Variants in UQCC1 observed in about 807,000 individuals in gnomAD.
The protein encoded by UQCC1 is bFGF-repressed Zic-binding protein.
A neutral mutation model predicts 48.0 loss-of-function variants in UQCC1; 38 were observed. That is an observed-to-expected ratio of 0.79 (90% CI 0.61 to 1.04). The LOEUF is 1.04. Among genes scored for constraint, UQCC1 ranks in the 50% least tolerant of loss-of-function variants. The pLI is 0.00. For synonymous variants in UQCC1, 111 were observed against 129.2 expected, an observed-to-expected ratio of 0.86 and a Z score of 0.95; for missense variants, 368 against 381.8, an observed-to-expected ratio of 0.96 and a Z score of 0.30.
intron 7 of UQCC1, among the ~76,000 whole-genome samples, chr20:35,316,309 T>C (rs2061058758): frequency 1.3e-5 from 2 of 152,152 alleles, no homozygotes; most frequent in African/African-American, 4.8e-5. Context: ...TTACAGTCAC[T>C]CAGACTGTAA....
At chr20:35,379,790 A>T (rs940646065) in intron 4 of UQCC1, among the ~76,000 whole-genome samples, 1 of 152,216 alleles carries the variant, frequency 6.6e-6, no homozygotes, top group African/African-American at 2.4e-5. Flanking sequence ...TGGGTGACAG[A>T]GTGAGACTCT....
At chr20:35,313,988 G>T (rs1238227135) in intron 8 of UQCC1, among the ~76,000 whole-genome samples, 1 of 150,040 alleles carries the variant, frequency 6.7e-6, no homozygotes, top group African/African-American at 2.5e-5. Context: ...TTTTTGAGAC[G>T]GAGTCTCACT....
chr20:35,386,300 G>C, intron 2 of UQCC1: 1 of 454,706 alleles, frequency 2.2e-6, no homozygotes, highest in Non-Finnish European at 4.4e-6. Flanking sequence ...AAGGGTGAGA[G>C]GGAGCAGGAA....
chr20:35,339,203 A>C (rs2425066), intron 7 of UQCC1, among the ~76,000 whole-genome samples: 66,847 of 151,512 alleles, frequency 0.44, 15,494 homozygotes, highest in African/African-American at 0.58. Flanking sequence ...CTAACAAAAG[A>C]AGCAAGTATT....
At position 35,303,517 on chromosome 20, in the gene UQCC1, A is replaced by G; in HGVS notation, c.*418T>C. 2 of 174,826 alleles carry G rather than the reference A, an allele frequency of 1.1e-5. No individual in the cohort carries two copies. Among genetic ancestry groups the G allele is most frequent in the Non-Finnish European group, 2.5e-5 (2 of 80,342 alleles). The allele number at this position is 174,826 out of a possible 1,614,324, so 10.8% of individuals were successfully genotyped here. ...CCCCATGGCTGAAAGCCGAGGGACA[A>G]CGCGTGGTCACCGACCGGACTCGGC... On this transcript the variant is annotated 3_prime_UTR_variant, in exon 10 of 10. Transcript: ENST00000374385.
intron 6 of UQCC1, among the ~76,000 whole-genome samples, chr20:35,362,311 C>T (rs1446450246): frequency 6.6e-6 from 1 of 152,122 alleles, no homozygotes; most frequent in African/African-American, 2.4e-5. Context: ...AGTAAAGGCA[C>T]CATAGGTCAC....
chr20:35,334,587 A>G (rs1187466707), intron 7 of UQCC1, among the ~76,000 whole-genome samples: 8 of 152,214 alleles, frequency 5.3e-5, no homozygotes, highest in Non-Finnish European at 1.2e-4. Context: ...ATTTAAAAAC[A>G]TTATAATTTC....
At chr20:35,384,818 T>C (rs939784337) in intron 2 of UQCC1, among the ~76,000 whole-genome samples, 1 of 151,378 alleles carries the variant, frequency 6.6e-6, no homozygotes, top group Non-Finnish European at 1.5e-5. Flanking sequence ...ATACAAAAAA[T>C]TAGCCAGGTG....
chr20:35,393,717 T>C (rs2062039927), intron 2 of UQCC1, among the ~76,000 whole-genome samples: 1 of 152,134 alleles, frequency 6.6e-6, no homozygotes, highest in Non-Finnish European at 1.5e-5. Flanking sequence ...CTCAAATAAT[T>C]GTTTCTTGGA....
At chr20:35,360,499 T>G (rs1357512924) in intron 6 of UQCC1, among the ~76,000 whole-genome samples, 1 of 152,204 alleles carries the variant, frequency 6.6e-6, no homozygotes, top group African/African-American at 2.4e-5. Context: ...TTCCCCATTT[T>G]AAAATAAAAA....
At chr20:35,394,900 C>T (rs1013748872) in intron 1 of UQCC1, among the ~76,000 whole-genome samples, 3 of 152,188 alleles carry the variant, frequency 2.0e-5, no homozygotes, top group African/African-American at 7.2e-5. Flanking sequence ...CTTGTCCATA[C>T]ATTGGGGGTT....
intron 7 of UQCC1, among the ~76,000 whole-genome samples, chr20:35,343,503 C>T (rs370419531): frequency 6.6e-6 from 1 of 152,182 alleles, no homozygotes; most frequent in African/African-American, 2.4e-5. Flanking sequence ...CACTCACAAC[C>T]CAGTGATTAA....
chr20:35,310,660 A>AAG (rs2060980541), intron 8 of UQCC1, among the ~76,000 whole-genome samples: 1 of 148,916 alleles, frequency 6.7e-6, no homozygotes, highest in African/African-American at 2.5e-5. Flanking sequence ...AAAAAAAAAA[A>AAG]AAAAAAAATT....
At chr20:35,367,386 T>C (rs2061682179) in intron 5 of UQCC1, among the ~76,000 whole-genome samples, 3 of 152,186 alleles carry the variant, frequency 2.0e-5, no homozygotes, top group Admixed American at 2.0e-4. Flanking sequence ...TAAGTCTTTC[T>C]AGTATCCTTT....
At chr20:35,341,607 C>A (rs2061379625) in intron 7 of UQCC1, among the ~76,000 whole-genome samples, 2 of 151,950 alleles carry the variant, frequency 1.3e-5, no homozygotes, top group Non-Finnish European at 2.9e-5. Flanking sequence ...GGAAGACAGT[C>A]AACATAAGTG....
At chr20:35,362,844 ATT>A (rs1261195020) in intron 6 of UQCC1, among the ~76,000 whole-genome samples, 1 of 152,100 alleles carries the variant, frequency 6.6e-6, no homozygotes, top group African/African-American at 2.4e-5. Context: ...AGTGAAATCA[ATT>A]TAGTGGGTGA....
chr20:35,410,716 A>AAAAAAAAACAAAAAAAC (rs1555820305), intron 1 of UQCC1, among the ~76,000 whole-genome samples: 6 of 108,766 alleles, frequency 5.5e-5, no homozygotes, highest in South Asian at 8.7e-4. Flanking sequence ...AAAAAAAAAA[A>AAAAAAAAACAAAAAAAC]AAAAAAAACA....
intron 5 of UQCC1, among the ~76,000 whole-genome samples, chr20:35,372,326 A>T (rs568217078): frequency 6.6e-6 from 1 of 152,090 alleles, no homozygotes; most frequent in East Asian, 1.9e-4. Flanking sequence ...AAAAAAGAAA[A>T]AGAAAAAAAG....
At chr20:35,321,283 T>TGTGTGTGCGCGCGCGCGC (rs1389196330) in intron 7 of UQCC1, among the ~76,000 whole-genome samples, 1 of 141,536 alleles carries the variant, frequency 7.1e-6, no homozygotes, top group African/African-American at 2.9e-5. Context: ...TGTGTGTGTG[T>TGTGTGTGCGCGCGCGCGC]GCGCGCGCGC....
Sources: allele counts gnomAD v4.1 joint callset (sites outside exome capture counted in the v4.1 genomes callset), GRCh38; gene constraint gnomAD v4.1.1; transcripts MANE v1.5; gene names NCBI Gene and HGNC (gene_info 2026-07-23, HGNC 2026-07-21).